Variants in NEDD4L observed in about 807,000 individuals in gnomAD.
NEDD4L encodes the protein NEDD4 like E3 ubiquitin protein ligase, also known as E3 ubiquitin-protein ligase NEDD4-like.
Under a neutral mutation model 148.9 loss-of-function variants are expected in NEDD4L, and 54 were observed. The ratio of observed to expected loss-of-function variants is 0.36; its 90% CI spans 0.29 to 0.45. NEDD4L has a LOEUF of 0.45. Among genes scored for constraint, NEDD4L ranks in the 20% least tolerant of loss-of-function variants. The pLI is 1.00. For missense variants in NEDD4L, 856 were observed against 1,233.8 expected (o/e 0.69, Z 4.59); for synonymous variants, 433 against 440.7 (o/e 0.98, Z 0.22).
At chr18:58,130,256 A>T (rs1383859165) in intron 1 of NEDD4L, among the ~76,000 whole-genome samples, 10 of 94,512 alleles carry the variant, frequency 1.1e-4, no homozygotes, top group South Asian at 3.5e-4. Context: ...TGGGCTCTGG[A>T]GTTTGGTTGT....
intron 16 of NEDD4L, among the ~76,000 whole-genome samples, chr18:58,349,306 G>T (rs2043561269): frequency 6.6e-6 from 1 of 152,070 alleles, no homozygotes; most frequent in South Asian, 2.1e-4. Context: ...AACCTTTCAT[G>T]TAAATATTCT....
intron 1 of NEDD4L, among the ~76,000 whole-genome samples, chr18:58,072,069 A>G (rs982194353): frequency 6.6e-6 from 1 of 152,232 alleles, no homozygotes; most frequent in Non-Finnish European, 1.5e-5. Context: ...AAATGGCCAT[A>G]ACTGACTAAA....
At chr18:58,283,935 C>G (rs1255410657) in intron 5 of NEDD4L, among the ~76,000 whole-genome samples, 1 of 152,194 alleles carries the variant, frequency 6.6e-6, no homozygotes, top group East Asian at 1.9e-4. Flanking sequence ...AACAGACATG[C>G]ACACTGGGAG....
intron 1 of NEDD4L, 172 bp from the exon 2 acceptor site, chr18:58,165,616 T>C (rs2036751594): frequency 6.7e-7 from 1 of 1,488,766 alleles, no homozygotes; most frequent in African/African-American, 1.4e-5. Context: ...CTTTTAGAGC[T>C]GGAATATTGC....
At chr18:58,357,409 T>G (rs1167168223) in intron 19 of NEDD4L, 157 bp downstream of exon 19, 2 of 760,626 alleles carry the variant, frequency 2.6e-6, no homozygotes, top group East Asian at 5.0e-5. Context: ...TACTGAAGTT[T>G]CCAGGTGAGG....
intron 7 of NEDD4L, 84 bp from the exon 8 acceptor site, chr18:58,323,148 G>A (rs1308877259): frequency 1.3e-6 from 1 of 786,488 alleles, no homozygotes; most frequent in Non-Finnish European, 2.2e-6. Flanking sequence ...GCGTGCTGTG[G>A]TGGTTGGCTT....
At chr18:58,308,888 C>G (rs538039403) in intron 5 of NEDD4L, among the ~76,000 whole-genome samples, 28 of 152,332 alleles carry the variant, frequency 1.8e-4, no homozygotes, top group African/African-American at 6.3e-4. Context: ...TGTACAAACA[C>G]CTGCTGACAA....
intron 5 of NEDD4L, among the ~76,000 whole-genome samples, chr18:58,282,323 G>T (rs551931472): frequency 1.3e-5 from 2 of 152,182 alleles, no homozygotes; most frequent in African/African-American, 2.4e-5. Context: ...GCTCTTTCTA[G>T]AAAGGGAGGG....
At chr18:58,385,119 A>C (rs1009239078) in intron 25 of NEDD4L, among the ~76,000 whole-genome samples, 1 of 152,230 alleles carries the variant, frequency 6.6e-6, no homozygotes, top group Non-Finnish European at 1.5e-5. Flanking sequence ...ATATGTATAC[A>C]TATATGTGGG....
intron 2 of NEDD4L, among the ~76,000 whole-genome samples, chr18:58,194,278 C>T (rs146566133): frequency 5.3e-5 from 8 of 152,280 alleles, no homozygotes; most frequent in Admixed American, 1.3e-4. Flanking sequence ...GATGGTGATG[C>T]GGCCTCTTGG....
chr18:58,293,255 A>T (rs1204223863), intron 5 of NEDD4L, among the ~76,000 whole-genome samples: 2 of 152,070 alleles, frequency 1.3e-5, no homozygotes, highest in Non-Finnish European at 2.9e-5. Context: ...GTATCCATGG[A>T]CTCTTCTTCA....
chr18:58,194,771 C>T (rs2040479224), intron 2 of NEDD4L, among the ~76,000 whole-genome samples: 1 of 152,074 alleles, frequency 6.6e-6, no homozygotes, highest in Non-Finnish European at 1.5e-5. Flanking sequence ...CATTTTTAAA[C>T]TGAGAGAAGG....
chr18:58,061,466 T>A (rs1381454587), intron 1 of NEDD4L, among the ~76,000 whole-genome samples: 1 of 121,654 alleles, frequency 8.2e-6, no homozygotes, highest in African/African-American at 3.3e-5. Flanking sequence ...AAGATGCACA[T>A]TGGACTGTGG....
chr18:58,090,383 T>C (rs1175315818), intron 1 of NEDD4L, among the ~76,000 whole-genome samples: 1 of 152,248 alleles, frequency 6.6e-6, no homozygotes, highest in Non-Finnish European at 1.5e-5. Flanking sequence ...TAGAACCTCC[T>C]TGTTTTCTTT....
At chr18:58,079,715 AG>A (rs988406481) in intron 1 of NEDD4L, among the ~76,000 whole-genome samples, 2 of 152,094 alleles carry the variant, frequency 1.3e-5, no homozygotes, top group Admixed American at 6.5e-5. Flanking sequence ...GAGGAACCGG[AG>A]GGGTCATTTC....
rs150274485 is a variant in NEDD4L at position 58,188,956 on chromosome 18, G to A, written c.122+23095G>A. Among the ~76,000 whole-genome samples the A allele has an allele frequency of 7.5e-4, 114 of 151,888 alleles. 1 individual carries two copies. The East Asian group carries it at 0.019, about 26-fold the overall frequency. On this transcript the variant is annotated intron_variant, in intron 2 of 30. Coordinates refer to ENST00000400345, the MANE Select transcript of NEDD4L (RefSeq NM_001144967.3). ...TCCTGAATCAGAGATCTTCTCTCCC[G>A]GGCCACTTTGTCATGAGCAGGATTT...
chr18:58,191,714 C>T (rs117173318), intron 2 of NEDD4L, among the ~76,000 whole-genome samples: 4,160 of 152,292 alleles, frequency 0.027, 93 homozygotes, highest in Non-Finnish European at 0.043. Flanking sequence ...GCACAGATAA[C>T]AGGCATATAA....
chr18:58,316,180 A>G lies in NEDD4L; in HGVS notation c.348+148A>G. 4.3e-6 allele frequency: 3 copies of G among 705,336 alleles called. No homozygotes were observed. The South Asian group carries it at 5.6e-5, about 13-fold the overall frequency. The allele number at this position is 705,336 out of a possible 1,614,324, so 43.7% of individuals were successfully genotyped here. ...GTGCTGTGGCCTTAGTCCTTTCTGG[A>G]AAGTGGTCCTTTCAAGGGGATGGAG... On this transcript the variant is annotated intron_variant, in intron 6 of 30. Transcript: ENST00000400345.
intron 5 of NEDD4L, chr18:58,255,414 CCT>C (rs2048395706): frequency 1.1e-6 from 1 of 941,244 alleles, no homozygotes; most frequent in African/African-American, 1.7e-5. Flanking sequence ...GCCACCCTAC[CCT>C]CTGTCACAGT....
Sources: allele counts gnomAD v4.1 joint callset (sites outside exome capture counted in the v4.1 genomes callset), GRCh38; gene constraint gnomAD v4.1.1; transcripts MANE v1.5; gene names NCBI Gene and HGNC (gene_info 2026-07-23, HGNC 2026-07-21).